Variants in OSTC observed in about 807,000 individuals in gnomAD.
OSTC encodes oligosaccharyltransferase complex subunit OSTC.
OSTC carries 16 observed loss-of-function variants against 16.4 expected under a neutral mutation model. The ratio of observed to expected loss-of-function variants is 0.98; its 90% CI spans 0.66 to 1.49. OSTC has a LOEUF of 1.49. Among genes scored for constraint, OSTC ranks in the 40% most tolerant of loss-of-function variants. The probability of loss-of-function intolerance (pLI) is 0.00; values close to 1 mark genes in which losing one functional copy is unlikely to be tolerated. For missense variants in OSTC, 139 were observed against 186.3 expected (o/e 0.75, Z 1.48); for synonymous variants, 67 against 68.5 (o/e 0.98, Z 0.11).
chr4:108,657,001 A>G (rs1213755029), intron 2 of OSTC, among the ~76,000 whole-genome samples: 1 of 151,026 alleles, frequency 6.6e-6, no homozygotes, highest in African/African-American at 2.4e-5. Context: ...TGGGAGGTGG[A>G]GGTTGCAGTG....
At chr4:108,660,691 A>C (rs1349867612) in intron 3 of OSTC, among the ~76,000 whole-genome samples, 2 of 152,216 alleles carry the variant, frequency 1.3e-5, no homozygotes, top group Non-Finnish European at 2.9e-5. Context: ...GGATGGCTGT[A>C]TCATAAGATG....
At chr4:108,663,011 G>C (rs1726896855) in intron 3 of OSTC, among the ~76,000 whole-genome samples, 1 of 152,170 alleles carries the variant, frequency 6.6e-6, no homozygotes, top group African/African-American at 2.4e-5. Flanking sequence ...TTGGCCTCAG[G>C]TTCCAAACCT....
At chr4:108,656,252 T>TGATA (rs35276493) in intron 2 of OSTC, among the ~76,000 whole-genome samples, 123,250 of 151,660 alleles carry the variant, frequency 0.81, 50,411 homozygotes, top group East Asian at 1. Flanking sequence ...AAAATTTACT[T>TGATA]AATATCTACC....
chr4:108,650,843 CG>C (rs1560621275), intron 1 of OSTC, 49 bp downstream of exon 1: 1 of 1,611,424 alleles, frequency 6.2e-7, no homozygotes. Flanking sequence ...AGAACTGACC[CG>C]CCCCGGGAGG....
At position 108,654,222 on chromosome 4, in the gene OSTC, A is replaced by G. The variant is rs187221862; in HGVS notation, c.140-1342A>G. Among the ~76,000 whole-genome samples, 247 of 152,350 alleles carry G rather than the reference A, an allele frequency of 1.6e-3. 1 individual carries two copies. Among genetic ancestry groups the G allele is most frequent in the Non-Finnish European group, 5.7e-4 (39 of 68,026 alleles). On this transcript the variant is annotated intron_variant, in intron 1 of 3. Coordinates refer to ENST00000361564, the MANE Select transcript of OSTC (RefSeq NM_021227.4). ...AAAGAGCAGTATCAATGGTTGCAGA[A>G]GCCAGATTGGATTGAGTTGAAGAAT...
chr4:108,653,960 G>A (rs1726624367), intron 1 of OSTC, among the ~76,000 whole-genome samples: 1 of 152,168 alleles, frequency 6.6e-6, no homozygotes, highest in African/African-American at 2.4e-5. Flanking sequence ...AAAAGTAGAA[G>A]AGGACAGTGG....
Position 108,650,996 on chromosome 4 carries a change from T to C in OSTC, c.139+202T>C, listed in dbSNP as rs377291584. ...TCACGCCCTGTCTTAAGAGAATTCG[T>C]GTTCTCACTCCCATTGCCTTTCTTC... is the stretch of plus-strand genomic sequence containing the variant. On this transcript the variant is annotated intron_variant, in intron 1 of 3. Transcript: ENST00000361564. The C allele has an allele frequency of 9.3e-4, 619 of 664,056 alleles. 8 individuals carry two copies. The highest frequency in any genetic ancestry group is 9.0e-3 in the South Asian group (429 of 47,856). 41.1% of individuals were successfully genotyped at this position (664,056 alleles called of 1,614,324 possible).
In OSTC at chr4:108,661,912, T is replaced by TA. The variant is rs202212410; in HGVS notation, c.431+4273dup. Among the ~76,000 whole-genome samples, 156 of 152,090 alleles carry TA rather than the reference T, an allele frequency of 1.0e-3. 1 individual carries two copies. The highest frequency in any genetic ancestry group is 3.5e-3 in the African/African-American group (144 of 41,490). ...CCATGCCTGGCCAAAAGCAGAATCT[T>TA]AAAAAAAATAAAAATAAAAGGTGGC... On this transcript the variant is annotated intron_variant, in intron 3 of 3. Transcript: ENST00000361564.
chr4:108,665,546 T>TTTTGTTTTG (rs1560626096), intron 3 of OSTC, among the ~76,000 whole-genome samples: 2,359 of 110,110 alleles, frequency 0.021, 73 homozygotes, highest in African/African-American at 0.078. Context: ...TTTTGTTTTG[T>TTTTGTTTTG]TTTGTTTTGT....
chr4:108,665,348 C>CT lies in OSTC; in HGVS notation c.432-1898dup, dbSNP rs1156328098. On this transcript the variant is annotated intron_variant, in intron 3 of 3. Transcript: ENST00000361564. Reference sequence around the variant, plus strand: ...TAACTCCATTTTACAGATGAGGAAACTGAGTGAGGTTTGCCAGGCTCATGC... The same window carrying CT: ...TAACTCCATTTTACAGATGAGGAAACTTGAGTGAGGTTTGCCAGGCTCATGC... 2.0e-5 allele frequency among the ~76,000 whole-genome samples: 3 copies of CT among 151,914 alleles called. No homozygotes were observed. In the East Asian group the frequency reaches 5.8e-4, roughly 29 times the overall value.
Position 108,651,009 on chromosome 4 carries a change from A to G in OSTC, c.139+215A>G, listed in dbSNP as rs1312872914. On this transcript the variant is annotated intron_variant, in intron 1 of 3. Coordinates refer to ENST00000361564, the MANE Select transcript of OSTC (RefSeq NM_021227.4). ...TAAGAGAATTCGTGTTCTCACTCCC[A>G]TTGCCTTTCTTCTCCTTCTAGCCCT... 5 of 597,326 alleles carry G rather than the reference A, an allele frequency of 8.4e-6. No individual in the cohort carries two copies. The East Asian group carries it at 9.1e-5, about 11-fold the overall frequency. 37.0% of individuals were successfully genotyped at this position (597,326 alleles called of 1,614,324 possible).
intron 3 of OSTC, among the ~76,000 whole-genome samples, chr4:108,659,284 G>T (rs956697963): frequency 2.6e-5 from 4 of 151,884 alleles, no homozygotes; most frequent in African/African-American, 9.7e-5. Flanking sequence ...CCGGCCAGCA[G>T]CTCTTATTTT....
intron 3 of OSTC, among the ~76,000 whole-genome samples, chr4:108,659,328 G>A (rs989441118): frequency 7.1e-6 from 1 of 141,658 alleles, no homozygotes; most frequent in Admixed American, 7.4e-5. Flanking sequence ...CATTGGCTAA[G>A]TTGTGTGAAG....
chr4:108,664,576 A>G (rs1726944944), intron 3 of OSTC, among the ~76,000 whole-genome samples: 1 of 151,956 alleles, frequency 6.6e-6, no homozygotes, highest in African/African-American at 2.4e-5. Context: ...TATATATCCA[A>G]AGAACCTTTT....
chr4:108,652,857 G>A (rs1726592428), intron 1 of OSTC, among the ~76,000 whole-genome samples: 1 of 152,158 alleles, frequency 6.6e-6, no homozygotes, highest in African/African-American at 2.4e-5. Context: ...GGGCAACATG[G>A]CGAAACCCTG....
At chr4:108,652,736 TTAAAAATGTTCACAAAA>T (rs1726589270) in intron 1 of OSTC, among the ~76,000 whole-genome samples, 1 of 152,126 alleles carries the variant, frequency 6.6e-6, no homozygotes, top group African/African-American at 2.4e-5. Flanking sequence ...TTTTTGTCCG[TTAAAAATGTTCACAAAA>T]ACAGGCCAGG....
chr4:108,654,420 T>G (rs372244510), intron 1 of OSTC, among the ~76,000 whole-genome samples: 2 of 151,954 alleles, frequency 1.3e-5, no homozygotes, highest in Admixed American at 6.6e-5. Context: ...AGGAGAGATA[T>G]CCAAAGGAAT....
chr4:108,665,154 A>G (rs1381194988), intron 3 of OSTC, among the ~76,000 whole-genome samples: 2 of 152,196 alleles, frequency 1.3e-5, no homozygotes, highest in Admixed American at 1.3e-4. Context: ...GCTGTGTGCC[A>G]AGCACTGGAG....
chr4:108,655,786 G>A, intron 2 of OSTC, 129 bp downstream of exon 2: 2 of 633,584 alleles, frequency 3.2e-6, no homozygotes, highest in Non-Finnish European at 5.4e-6. Flanking sequence ...TTAAAATGCT[G>A]GATTCTGAAA....
Sources: allele counts gnomAD v4.1 joint callset (sites outside exome capture counted in the v4.1 genomes callset), GRCh38; gene constraint gnomAD v4.1.1; transcripts MANE v1.5; gene names NCBI Gene and HGNC (gene_info 2026-07-23, HGNC 2026-07-21).